Variants in CAB39L observed in about 807,000 individuals in gnomAD.
CAB39L encodes the protein calcium-binding protein 39-like.
Under a neutral mutation model 39.1 loss-of-function variants are expected in CAB39L, and 23 were observed. That is an observed-to-expected ratio of 0.59 (90% CI 0.42 to 0.83). CAB39L has a LOEUF of 0.83. Among genes scored for constraint, CAB39L ranks in the 40% least tolerant of loss-of-function variants. The pLI, the probability that CAB39L is intolerant of heterozygous loss-of-function variation, is 0.00. For missense variants in CAB39L, 366 were observed against 391.9 expected, an observed-to-expected ratio of 0.93 and a Z score of 0.56; for synonymous variants, 126 against 137.2, an observed-to-expected ratio of 0.92 and a Z score of 0.57.
At chr13:49,370,646 G>T (rs1450054599) in intron 5 of CAB39L, among the ~76,000 whole-genome samples, 2 of 152,184 alleles carry the variant, frequency 1.3e-5, no homozygotes, top group Non-Finnish European at 2.9e-5. Flanking sequence ...AGAAAGCAGA[G>T]GGAGTGGGCA....
chr13:49,325,047 C>A (rs906572268), intron 10 of CAB39L, among the ~76,000 whole-genome samples: 1 of 152,068 alleles, frequency 6.6e-6, no homozygotes, highest in African/African-American at 2.4e-5. Flanking sequence ...CAAACAGAGC[C>A]GTAAGTAACA....
At position 49,350,828 on chromosome 13, in the gene CAB39L, G is replaced by A; in HGVS notation, c.480C>T (p.Leu160=). The A allele has an allele frequency of 4.3e-6, 7 of 1,612,678 alleles. No individual in the cohort carries two copies. Among genetic ancestry groups the A allele is most frequent in the Non-Finnish European group, 5.9e-6 (7 of 1,179,260 alleles). The change falls in exon 7 of 11, where the codon CTC becomes CTT. Residue 160 remains leucine, a synonymous_variant. Transcript: ENST00000409308. ...IRHEPLAKII[L]FSNQFRDFFK... is the part of the protein sequence containing the mutation. ...AGAAATCTCTGAATTGATTAGAAAA[G>A]AGGATGATTTTGGCAAGTGGTTCAT... is the stretch of plus-strand genomic sequence containing the variant.
At chr13:49,358,931 T>G (rs1955557256) in intron 6 of CAB39L, among the ~76,000 whole-genome samples, 1 of 152,204 alleles carries the variant, frequency 6.6e-6, no homozygotes, top group Admixed American at 6.5e-5. Context: ...ATTTTTAAAC[T>G]ATGTATTATT....
chr13:49,352,052 A>C (rs1343101087), intron 6 of CAB39L, among the ~76,000 whole-genome samples: 1 of 152,174 alleles, frequency 6.6e-6, no homozygotes, highest in Non-Finnish European at 1.5e-5. Flanking sequence ...AAAAGATAGG[A>C]GAGACCTATA....
intron 10 of CAB39L, among the ~76,000 whole-genome samples, chr13:49,326,587 G>A (rs1259381341): frequency 1.3e-5 from 2 of 152,172 alleles, no homozygotes; most frequent in East Asian, 1.9e-4. Context: ...TTAATTAAAC[G>A]ATGTGAAAAC....
At chr13:49,405,763 G>GAAGGA (rs1566122341) in intron 3 of CAB39L, among the ~76,000 whole-genome samples, 1 of 76,882 alleles carries the variant, frequency 1.3e-5, no homozygotes, top group African/African-American at 4.4e-5. Context: ...GGGAGGGACG[G>GAAGGA]AGGGACAGAG....
chr13:49,434,530 T>TAA (rs1957378001), intron 1 of CAB39L, among the ~76,000 whole-genome samples: 1 of 152,138 alleles, frequency 6.6e-6, no homozygotes, highest in African/African-American at 2.4e-5. Flanking sequence ...TCTTACGTTA[T>TAA]AGCCTTGATA....
At chr13:49,336,219 A>G (rs899407827) in intron 9 of CAB39L, among the ~76,000 whole-genome samples, 3 of 152,098 alleles carry the variant, frequency 2.0e-5, no homozygotes, top group African/African-American at 7.2e-5. Flanking sequence ...GTTTGCTTGA[A>G]CAGAGTGATG....
intron 3 of CAB39L, among the ~76,000 whole-genome samples, chr13:49,411,480 A>G (rs1956989653): frequency 1.3e-5 from 2 of 151,812 alleles, no homozygotes; most frequent in Middle Eastern, 3.4e-3. Flanking sequence ...ATTAAGCACT[A>G]TTCAAAGTGC....
intron 5 of CAB39L, among the ~76,000 whole-genome samples, chr13:49,371,285 T>C (rs1955910996): frequency 6.6e-6 from 1 of 151,346 alleles, no homozygotes; most frequent in South Asian, 2.1e-4. Context: ...CCTCCTGGGT[T>C]CAAGCGATTC....
intron 3 of CAB39L, among the ~76,000 whole-genome samples, chr13:49,424,710 C>T (rs192247705): frequency 1.6e-3 from 238 of 152,174 alleles, no homozygotes; most frequent in African/African-American, 5.5e-3. Context: ...AGAAATAAAA[C>T]TTATTTTAAA....
chr13:49,313,424 T>C (rs534232745), intron 10 of CAB39L, among the ~76,000 whole-genome samples: 2 of 149,698 alleles, frequency 1.3e-5, no homozygotes, highest in South Asian at 4.2e-4. Flanking sequence ...AAGCTTGCAG[T>C]GAGCTGAGAT....
intron 5 of CAB39L, among the ~76,000 whole-genome samples, chr13:49,366,046 C>T (rs1391589396): frequency 1.3e-5 from 2 of 152,128 alleles, no homozygotes; most frequent in Admixed American, 1.3e-4. Context: ...TGAAATAAAC[C>T]AGGCATAGAA....
At chr13:49,377,805 G>A (rs1194825695) in intron 4 of CAB39L, among the ~76,000 whole-genome samples, 3 of 89,300 alleles carry the variant, frequency 3.4e-5, no homozygotes, top group African/African-American at 1.3e-4. Flanking sequence ...GCCTCTGCCC[G>A]GCCGCCACCC....
chr13:49,415,525 A>G (rs1171908700), intron 3 of CAB39L, among the ~76,000 whole-genome samples: 1 of 32,262 alleles, frequency 3.1e-5, no homozygotes, highest in Non-Finnish European at 7.2e-5. Flanking sequence ...TGTCTTGGAA[A>G]AAAAAAAAAT....
intron 4 of CAB39L, among the ~76,000 whole-genome samples, chr13:49,379,928 G>C (rs1398532307): frequency 6.7e-6 from 1 of 150,058 alleles, no homozygotes; most frequent in Admixed American, 6.7e-5. Flanking sequence ...TGCAAGCTCC[G>C]CCTCCCAGGT....
chr13:49,397,742 T>C (rs983861497), intron 3 of CAB39L, among the ~76,000 whole-genome samples: 1 of 152,128 alleles, frequency 6.6e-6, no homozygotes, highest in Non-Finnish European at 1.5e-5. Flanking sequence ...GAAAATTTTA[T>C]ATTAGAATTT....
At chr13:49,345,553 G>A (rs982781868) in intron 7 of CAB39L, among the ~76,000 whole-genome samples, 3 of 152,144 alleles carry the variant, frequency 2.0e-5, no homozygotes, top group Non-Finnish European at 4.4e-5. Flanking sequence ...ACTAGTTCCT[G>A]CATCAGGGGA....
intron 5 of CAB39L, among the ~76,000 whole-genome samples, chr13:49,364,395 C>T (rs1366702727): frequency 6.6e-6 from 1 of 151,762 alleles, no homozygotes; most frequent in South Asian, 2.1e-4. Flanking sequence ...TGGAGCATGA[C>T]AACTTTTACC....
Sources: allele counts gnomAD v4.1 joint callset (sites outside exome capture counted in the v4.1 genomes callset), GRCh38; gene constraint gnomAD v4.1.1; transcripts MANE v1.5; gene names NCBI Gene and HGNC (gene_info 2026-07-23, HGNC 2026-07-21).